Variants in TTC7B observed in about 807,000 individuals in gnomAD.
TTC7B encodes the protein tetratricopeptide repeat protein 7B.
In TTC7B, 28 loss-of-function variants were observed where a neutral mutation model predicts 106.8. The observed-to-expected ratio is 0.26, with a 90% confidence interval of 0.19 to 0.36. The LOEUF (loss-of-function observed/expected upper bound fraction) is 0.36. Among genes scored for constraint, TTC7B ranks in the 10% least tolerant of loss-of-function variants. TTC7B has a pLI of 1.00. For missense variants in TTC7B, 862 were observed against 1,076.4 expected (o/e 0.80, Z 2.79); for synonymous variants, 405 against 430.6 (o/e 0.94, Z 0.74).
At chr14:90,668,360 T>G (rs1447976058) in intron 9 of TTC7B, among the ~76,000 whole-genome samples, 2 of 152,164 alleles carry the variant, frequency 1.3e-5, no homozygotes, top group East Asian at 3.9e-4. Flanking sequence ...TAGCCAAGTA[T>G]ATTTCTCAAA....
intron 1 of TTC7B, among the ~76,000 whole-genome samples, chr14:90,799,825 GTTTT>G: frequency 6.6e-6 from 1 of 151,952 alleles, no homozygotes. Context: ...TCTGATTTAA[GTTTT>G]TTTTGTTTGT....
At chr14:90,738,985 A>C (rs572522635) in intron 4 of TTC7B, among the ~76,000 whole-genome samples, 1 of 152,314 alleles carries the variant, frequency 6.6e-6, no homozygotes, top group South Asian at 2.1e-4. Context: ...AGATTGCACC[A>C]CTGCACTCCA....
At chr14:90,542,584 A>G (rs949209275) in intron 19 of TTC7B, among the ~76,000 whole-genome samples, 10 of 152,228 alleles carry the variant, frequency 6.6e-5, no homozygotes, top group African/African-American at 2.4e-4. Context: ...TCGCACAGAC[A>G]TGAACATCTT....
chr14:90,730,292 C>T (rs1889276625), intron 4 of TTC7B, 96 bp from the exon 5 acceptor site: 21 of 1,424,938 alleles, frequency 1.5e-5, no homozygotes, highest in Admixed American at 7.1e-5. Context: ...CCTAAAAAAC[C>T]AACTTCCTCA....
In TTC7B at chr14:90,541,566, G is replaced by T; in HGVS notation, c.2334C>A (p.Gly778=). 6 of 1,602,074 alleles carry T rather than the reference G, an allele frequency of 3.7e-6. No homozygotes were observed. The East Asian group carries it at 9.0e-5, about 24-fold the overall frequency. The change falls in exon 20 of 20, where the codon GGC becomes GGA. Residue 778 remains glycine (G), a synonymous_variant. Transcript: ENST00000328459. ...GGATCTTCTCCGCCAGACTGTAGCG[G>T]CCTAGCTGGTGAAGGATCAGGGCCT... ...QRLALILHQL[G]RYSLAEKILR...
rs539754441 is a variant in TTC7B at position 90,799,912 on chromosome 14, C to G, written c.122-13584G>C. Reference sequence around the variant, plus strand: ...TGGCACGATCTCGGCTCACTGCAACCTCCGCCTCCTGGGGTCATGCCATTC... The same window carrying G: ...TGGCACGATCTCGGCTCACTGCAACGTCCGCCTCCTGGGGTCATGCCATTC... On this transcript the variant is annotated intron_variant, in intron 1 of 19. Transcript: ENST00000328459. 8.5e-5 allele frequency among the ~76,000 whole-genome samples: 13 copies of G among 152,260 alleles called. No individual in the cohort carries two copies. The South Asian group carries it at 2.3e-3, about 27-fold the overall frequency.
chr14:90,673,711 T>C (rs1375529848), intron 9 of TTC7B, among the ~76,000 whole-genome samples: 1 of 152,136 alleles, frequency 6.6e-6, no homozygotes, highest in Non-Finnish European at 1.5e-5. Flanking sequence ...AGCTAATGAA[T>C]GGAAAAACAA....
chr14:90,583,861 C>A (rs1472050250), intron 18 of TTC7B, among the ~76,000 whole-genome samples: 1 of 152,218 alleles, frequency 6.6e-6, no homozygotes, highest in Admixed American at 6.5e-5. Flanking sequence ...GCTTATTTGG[C>A]ATGAACATAA....
chr14:90,644,257 G>GCGCACA (rs1885330814), intron 14 of TTC7B, 49 bp from the exon 15 acceptor site: 1 of 1,173,356 alleles, frequency 8.5e-7, no homozygotes, highest in Non-Finnish European at 1.2e-6. Flanking sequence ...ACATGCACAC[G>GCGCACA]CACACACACA....
intron 6 of TTC7B, among the ~76,000 whole-genome samples, chr14:90,694,825 CAT>C (rs1429151451): frequency 7.4e-4 from 99 of 134,432 alleles, no homozygotes; most frequent in South Asian, 2.6e-3. Context: ...ATTTTATATA[CAT>C]ATATATGTCA....
intron 12 of TTC7B, among the ~76,000 whole-genome samples, chr14:90,654,075 G>A (rs1885844903): frequency 6.6e-6 from 1 of 152,094 alleles, no homozygotes; most frequent in Non-Finnish European, 1.5e-5. Flanking sequence ...GAAAGAATTT[G>A]GAGTAATTTG....
intron 17 of TTC7B, among the ~76,000 whole-genome samples, chr14:90,605,315 G>A (rs1479852451): frequency 2.0e-5 from 3 of 152,164 alleles, no homozygotes; most frequent in Non-Finnish European, 4.4e-5. Context: ...AGGAAAGCAC[G>A]GAAGGACCCA....
intron 3 of TTC7B, among the ~76,000 whole-genome samples, chr14:90,766,291 A>G (rs1355664170): frequency 2.0e-5 from 3 of 152,152 alleles, no homozygotes; most frequent in African/African-American, 7.2e-5. Flanking sequence ...AGAGCAGCCT[A>G]TTCAGAGGAA....
chr14:90,682,857 C>T (rs1054600310), intron 7 of TTC7B, among the ~76,000 whole-genome samples: 1 of 152,192 alleles, frequency 6.6e-6, no homozygotes, highest in Admixed American at 6.5e-5. Flanking sequence ...CCCAGCCATG[C>T]CACCAACTCA....
Position 90,786,220 on chromosome 14 carries a change from T to C in TTC7B, c.230A>G (p.Glu77Gly), listed in dbSNP as rs1277385574. The C allele has an allele frequency of 4.4e-6, 7 of 1,602,534 alleles. No individual in the cohort carries two copies. The highest frequency in any genetic ancestry group is 1.3e-5 in the African/African-American group (1 of 74,274). Residue 77 changes from glutamate (E) to glycine (G), a missense_variant, in exon 2 of 20, where the codon GAG (glutamate) becomes GGG (glycine). Coordinates refer to ENST00000328459, the MANE Select transcript of TTC7B (RefSeq NM_001010854.2). The part of the protein sequence containing the change: ...SPRGPKPQLT[E>G]VRKHLTAALD... ...GGCGGCGGTCAGATGCTTGCGGACCTCAGTCAGCTGGGGCTTGGGGCCTCG... is the reference window on the plus strand; with the variant it reads ...GGCGGCGGTCAGATGCTTGCGGACCCCAGTCAGCTGGGGCTTGGGGCCTCG...
chr14:90,709,148 A>G (rs1888330617), intron 5 of TTC7B, among the ~76,000 whole-genome samples: 1 of 152,122 alleles, frequency 6.6e-6, no homozygotes, highest in Non-Finnish European at 1.5e-5. Context: ...GGGATCTAGA[A>G]CTAGAAATAC....
At chr14:90,592,865 T>C (rs539119095) in intron 18 of TTC7B, among the ~76,000 whole-genome samples, 2 of 152,268 alleles carry the variant, frequency 1.3e-5, no homozygotes, top group East Asian at 3.9e-4. Flanking sequence ...GCTGTCTCTC[T>C]ATGAAATTAC....
chr14:90,705,190 G>A (rs1368786633), intron 5 of TTC7B, among the ~76,000 whole-genome samples: 1 of 152,160 alleles, frequency 6.6e-6, no homozygotes, highest in African/African-American at 2.4e-5. Context: ...TGATCCAGCT[G>A]CACACCTACT....
chr14:90,658,155 AT>A, intron 10 of TTC7B, 148 bp downstream of exon 10: 1 of 660,586 alleles, frequency 1.5e-6, no homozygotes, highest in Middle Eastern at 2.5e-4. Flanking sequence ...ATTAAATCTG[AT>A]TGTTCACTGA....
Sources: gnomAD v4.1 joint callset for allele counts (sites outside exome capture counted in the v4.1 genomes callset) on GRCh38, gnomAD v4.1.1 for gene constraint, MANE v1.5 for transcripts, NCBI Gene and HGNC (gene_info 2026-07-23, HGNC 2026-07-21) for gene names.